Variants in TNRC6A observed in about 807,000 individuals in gnomAD.
TNRC6A encodes trinucleotide repeat containing adaptor 6A, also known as trinucleotide repeat-containing gene 6A protein.
A neutral mutation model predicts 221.2 loss-of-function variants in TNRC6A; 44 were observed. The observed-to-expected ratio is 0.20, with a 90% CI of 0.16 to 0.26. The LOEUF (loss-of-function observed/expected upper bound fraction) is 0.26, where lower values mean the gene tolerates loss of function less well. TNRC6A is among the 10% of genes least tolerant of loss of function. The pLI is 1.00. For synonymous variants in TNRC6A, 847 were observed against 838.5 expected, an observed-to-expected ratio of 1.01 and a Z score of -0.18; for missense variants, 2,199 against 2,404.4, an observed-to-expected ratio of 0.91 and a Z score of 1.79.
chr16:24,823,827 C>G lies in TNRC6A; in HGVS notation c.*20C>G. 1 of 1,371,544 alleles carries G rather than the reference C, an allele frequency of 7.3e-7. No homozygotes were observed. Among genetic ancestry groups the G allele is most frequent in the Non-Finnish European group, 9.5e-7 (1 of 1,057,294 alleles). 85.0% of individuals were successfully genotyped at this position (1,371,544 alleles called of 1,614,324 possible). ...ATGTAACAGTGTAGATGCAGACTCA[C>G]CGACCGGGACCTCAGACGCGAGGGA... On this transcript the variant is annotated 3_prime_UTR_variant, in exon 25 of 25. Coordinates refer to ENST00000395799, the MANE Select transcript of TNRC6A (RefSeq NM_014494.4). This position sits in a 1 kb window ranked among gnomAD's most constrained non-coding sequence, Gnocchi z 4.3.
chr16:24,720,630 G>A (rs985284234), intron 2 of TNRC6A, among the ~76,000 whole-genome samples: 7 of 147,814 alleles, frequency 4.7e-5, no homozygotes, highest in Non-Finnish European at 8.9e-5. Flanking sequence ...GGCAGAGGTT[G>A]CAGTGAGCCG....
chr16:24,798,082 T>C, intron 11 of TNRC6A, 116 bp downstream of exon 11: 1 of 779,538 alleles, frequency 1.3e-6, no homozygotes, highest in Non-Finnish European at 2.0e-6. Flanking sequence ...TGCTCTCCAA[T>C]AGACGTACAC....
intron 1 of TNRC6A, among the ~76,000 whole-genome samples, chr16:24,639,826 T>C (rs1406894282): frequency 6.6e-6 from 1 of 152,136 alleles, no homozygotes; most frequent in African/African-American, 2.4e-5. Flanking sequence ...TTTGTTTGTT[T>C]GTCTGTTTTT....
chr16:24,778,397 A>G (rs1333588140), intron 5 of TNRC6A: 2 of 985,250 alleles, frequency 2.0e-6, no homozygotes, highest in Non-Finnish European at 2.4e-6. Context: ...CTCCAAAGAT[A>G]TGCTTGTAAC....
At chr16:24,684,615 G>C (rs1298295802) in intron 2 of TNRC6A, among the ~76,000 whole-genome samples, 1 of 151,964 alleles carries the variant, frequency 6.6e-6, no homozygotes, top group African/African-American at 2.4e-5. Context: ...AGACCAACCT[G>C]GGCAATAGAG....
intron 2 of TNRC6A, among the ~76,000 whole-genome samples, chr16:24,734,502 C>T (rs527863324): frequency 1.3e-5 from 2 of 152,230 alleles, no homozygotes; most frequent in South Asian, 2.1e-4. Flanking sequence ...ATATTTAGAG[C>T]TGGACTATGA....
In TNRC6A at chr16:24,790,090, G is replaced by C; in HGVS notation, c.1448G>C (p.Trp483Ser). 1 of 1,614,192 alleles carries C rather than the reference G, an allele frequency of 6.2e-7. No homozygotes were observed. Among genetic ancestry groups the C allele is most frequent in the Non-Finnish European group, 8.5e-7 (1 of 1,180,036 alleles). Residue 483 changes from tryptophan to serine, a missense_variant, in exon 6 of 25, where the codon TGG becomes TCG. Trp to Ser is a radical substitution (Grantham distance 177). Coordinates refer to ENST00000395799, the MANE Select transcript of TNRC6A (RefSeq NM_014494.4). ...NELPSSNTGA[W>S]RVSTMNHPQM... ...CTGCCTAGTAGTAACACAGGGGCCT[G>C]GCGTGTGAGCACAATGAATCATCCT...
chr16:24,619,009 G>A (rs1171999099), intron 1 of TNRC6A, among the ~76,000 whole-genome samples: 1 of 152,124 alleles, frequency 6.6e-6, no homozygotes, highest in Non-Finnish European at 1.5e-5. Flanking sequence ...CACATTTGCA[G>A]AGATACAGGC....
intron 1 of TNRC6A, among the ~76,000 whole-genome samples, chr16:24,611,230 T>C (rs571169357): frequency 6.6e-6 from 1 of 152,328 alleles, no homozygotes; most frequent in Admixed American, 6.5e-5. Context: ...ATTTTTGTCC[T>C]TTCTGGCCAG....
chr16:24,772,295 A>G (rs999803001), intron 4 of TNRC6A, among the ~76,000 whole-genome samples: 4 of 152,206 alleles, frequency 2.6e-5, no homozygotes, highest in Non-Finnish European at 5.9e-5. Flanking sequence ...TTGGTGCTCC[A>G]TCTTTTACTG....
At chr16:24,685,880 C>T (rs771836911) in intron 2 of TNRC6A, among the ~76,000 whole-genome samples, 9 of 152,208 alleles carry the variant, frequency 5.9e-5, no homozygotes, top group Non-Finnish European at 1.2e-4. Context: ...CAACAGTTGT[C>T]TATCCAGTTC....
intron 2 of TNRC6A, among the ~76,000 whole-genome samples, chr16:24,669,476 A>C (rs922664951): frequency 7.7e-6 from 1 of 129,550 alleles, no homozygotes; most frequent in African/African-American, 3.3e-5. Flanking sequence ...GCAACAAGCA[A>C]GACTCTGTCT....
chr16:24,710,836 C>T (rs1334053080), intron 2 of TNRC6A, among the ~76,000 whole-genome samples: 2 of 150,986 alleles, frequency 1.3e-5, no homozygotes, highest in African/African-American at 4.9e-5. Flanking sequence ...CTTCAGTCTC[C>T]TTAGTAGCTG....
chr16:24,806,542 G>A (rs776974486), intron 16 of TNRC6A, 32 bp from the exon 17 acceptor site: 2 of 1,611,048 alleles, frequency 1.2e-6, no homozygotes, highest in Non-Finnish European at 8.5e-7. Flanking sequence ...TTTTCCCCCA[G>A]TAATTTTTTC....
intron 2 of TNRC6A, among the ~76,000 whole-genome samples, chr16:24,703,018 G>C (rs989152029): frequency 6.0e-5 from 9 of 150,888 alleles, no homozygotes; most frequent in African/African-American, 1.2e-4. Flanking sequence ...CTGGGTGACA[G>C]TGCGAGACTC....
At chr16:24,618,827 A>T (rs1596541266) in intron 1 of TNRC6A, among the ~76,000 whole-genome samples, 1 of 150,970 alleles carries the variant, frequency 6.6e-6, no homozygotes, top group Admixed American at 6.6e-5. Flanking sequence ...ATGGGGTTTC[A>T]CCATGTTAGC....
intron 2 of TNRC6A, among the ~76,000 whole-genome samples, chr16:24,660,349 G>A (rs1489351808): frequency 2.6e-5 from 4 of 152,110 alleles, no homozygotes; most frequent in African/African-American, 9.7e-5. Flanking sequence ...CCATTCCTGA[G>A]TTACTTCACT....
rs1168977139 is a variant in TNRC6A at position 24,823,627 on chromosome 16, T to G, written c.5709T>G (p.Ala1903=). 1.9e-6 allele frequency: 3 copies of G among 1,613,882 alleles called. No individual in the cohort carries two copies. The highest frequency in any genetic ancestry group is 2.5e-6 in the Non-Finnish European group (3 of 1,179,958). Residue 1903 remains alanine, a synonymous_variant, in exon 25 of 25, where the codon GCT becomes GCG. Coordinates refer to ENST00000395799, the MANE Select transcript of TNRC6A (RefSeq NM_014494.4). This position sits in a 1 kb window ranked among gnomAD's most constrained non-coding sequence, Gnocchi z 4.3. ...CCGATCTCAATCACTGGAATGGTGC[T>G]GGGCTGTCGGGAACTAACTGTGGAG... ...SRTDLNHWNG[A]GLSGTNCGDL... is the part of the protein sequence containing the mutation.
intron 2 of TNRC6A, among the ~76,000 whole-genome samples, chr16:24,720,148 T>C (rs906915436): frequency 1.3e-5 from 2 of 152,236 alleles, no homozygotes; most frequent in Admixed American, 1.3e-4. Flanking sequence ...AAATCCTTTC[T>C]ACTATTTTAA....
Sources: gnomAD v4.1 joint callset for allele counts (sites outside exome capture counted in the v4.1 genomes callset) on GRCh38, gnomAD v4.1.1 for gene constraint, Gnocchi (gnomAD v3.1) non-coding constraint, MANE v1.5 for transcripts, NCBI Gene and HGNC (gene_info 2026-07-23, HGNC 2026-07-21) for gene names.